The following FARP1 variants were observed in gnomAD, a reference collection of about 807,000 sequenced individuals.
FARP1 encodes FERM, ARH/RhoGEF and pleckstrin domain protein 1, also known as FERM, ARHGEF and pleckstrin domain-containing protein 1.
In FARP1, 52 loss-of-function variants were observed where a neutral mutation model predicts 128.8. The ratio of observed to expected loss-of-function variants is 0.40; its 90% confidence interval spans 0.32 to 0.51. The LOEUF is 0.51. FARP1 is among the 20% of genes least tolerant of loss of function. The pLI is 0.45. For synonymous variants in FARP1, 580 were observed against 551.8 expected (o/e 1.05, Z -0.72); for missense variants, 1,333 against 1,367.9 (o/e 0.97, Z 0.40).
At chr13:98,360,244 C>T (rs1406767838) in intron 3 of FARP1, among the ~76,000 whole-genome samples, 2 of 152,016 alleles carry the variant, frequency 1.3e-5, no homozygotes, top group Non-Finnish European at 2.9e-5. Context: ...TACAGGCATG[C>T]GCCACCACGG....
chr13:98,342,435 G>A (rs1888010038), intron 2 of FARP1, among the ~76,000 whole-genome samples: 2 of 152,018 alleles, frequency 1.3e-5, no homozygotes, highest in Non-Finnish European at 2.9e-5. Context: ...ACGGTGGCTC[G>A]TACCTGTAGT....
intron 2 of FARP1, among the ~76,000 whole-genome samples, chr13:98,261,315 G>T (rs912452585): frequency 7.6e-5 from 10 of 131,720 alleles, no homozygotes; most frequent in African/African-American, 2.6e-4. Flanking sequence ...TACAGCAACT[G>T]GGGGATTTGT....
intron 5 of FARP1, 141 bp from the exon 6 acceptor site, chr13:98,377,680 T>G (rs1889650791): frequency 8.0e-6 from 5 of 626,626 alleles, no homozygotes; most frequent in Non-Finnish European, 1.4e-5. Context: ...CTGCAGTGAA[T>G]GGCAGCTGGA....
At chr13:98,251,932 C>G (rs114769522) in intron 2 of FARP1, among the ~76,000 whole-genome samples, 4,978 of 152,202 alleles carry the variant, frequency 0.033, 272 homozygotes, top group African/African-American at 0.11. Context: ...AATGCAGTCT[C>G]CGCCTCCTGG....
intron 1 of FARP1, chr13:98,159,537 T>C (rs1321222480): frequency 1.3e-5 from 2 of 151,372 alleles, no homozygotes; most frequent in Non-Finnish European, 2.9e-5. Flanking sequence ...AATGGCGTGA[T>C]CTCAGCTCAC....
At chr13:98,312,013 T>A (rs1886482250) in intron 2 of FARP1, among the ~76,000 whole-genome samples, 1 of 151,740 alleles carries the variant, frequency 6.6e-6, no homozygotes, top group South Asian at 2.1e-4. Context: ...TTGGCTAATT[T>A]TTGTATTTTT....
intron 1 of FARP1, among the ~76,000 whole-genome samples, chr13:98,145,508 C>T (rs1303486198): frequency 6.6e-6 from 1 of 152,186 alleles, no homozygotes; most frequent in Non-Finnish European, 1.5e-5. Flanking sequence ...TTATTGCATT[C>T]ACCTCAGAAT....
intron 5 of FARP1, among the ~76,000 whole-genome samples, chr13:98,374,959 CCAA>C (rs1405043168): frequency 6.6e-6 from 1 of 152,154 alleles, no homozygotes; most frequent in African/African-American, 2.4e-5. Flanking sequence ...TCACTCACCC[CCAA>C]GGGAGGTTAT....
chr13:98,424,043 C>T (rs1891689724), intron 16 of FARP1, among the ~76,000 whole-genome samples: 1 of 152,156 alleles, frequency 6.6e-6, no homozygotes, highest in Non-Finnish European at 1.5e-5. Flanking sequence ...CATCTCCTGT[C>T]CTTTCTCAGT....
At chr13:98,241,337 A>AG (rs78178624) in intron 2 of FARP1, among the ~76,000 whole-genome samples, 59,558 of 151,822 alleles carry the variant, frequency 0.39, 12,013 homozygotes, top group South Asian at 0.51. Context: ...AAGCACCTCC[A>AG]GGGGAGTGTG....
At chr13:98,173,563 A>G (rs1444247478) in intron 1 of FARP1, among the ~76,000 whole-genome samples, 1 of 152,222 alleles carries the variant, frequency 6.6e-6, no homozygotes, top group African/African-American at 2.4e-5. Context: ...TGCCTCCATA[A>G]GTCCATGCAA....
intron 3 of FARP1, among the ~76,000 whole-genome samples, chr13:98,351,878 G>A (rs1165090464): frequency 6.6e-6 from 1 of 152,030 alleles, no homozygotes; most frequent in African/African-American, 2.4e-5. Context: ...ACCCGTCCCC[G>A]TGAACCAGTC....
chr13:98,167,469 G>C (rs868077929), intron 1 of FARP1, among the ~76,000 whole-genome samples: 21 of 150,318 alleles, frequency 1.4e-4, no homozygotes, highest in Non-Finnish European at 2.8e-4. Flanking sequence ...GAGTGCAGTG[G>C]CGCGATCTCA....
intron 2 of FARP1, among the ~76,000 whole-genome samples, chr13:98,245,883 C>T (rs1883022282): frequency 6.6e-6 from 1 of 151,554 alleles, no homozygotes; most frequent in Non-Finnish European, 1.5e-5. Context: ...ATTCTCCTGC[C>T]TCAGCCTCCC....
At chr13:98,162,609 G>A (rs1334284218) in intron 1 of FARP1, among the ~76,000 whole-genome samples, 1 of 152,100 alleles carries the variant, frequency 6.6e-6, no homozygotes, top group African/African-American at 2.4e-5. Context: ...ACAAATGGGT[G>A]GCAGATATAC....
At chr13:98,387,111 G>C (rs1367761585) in intron 8 of FARP1, among the ~76,000 whole-genome samples, 2 of 152,148 alleles carry the variant, frequency 1.3e-5, no homozygotes, top group African/African-American at 4.8e-5. Flanking sequence ...GACTAGCCTG[G>C]TCAACATGGT....
intron 2 of FARP1, chr13:98,329,708 G>C (rs760032499): frequency 6.6e-6 from 1 of 152,088 alleles, no homozygotes; most frequent in Admixed American, 6.6e-5. Context: ...CTTGACCCCA[G>C]CTTATAGTTG....
chr13:98,171,556 T>G (rs562957858), intron 1 of FARP1, among the ~76,000 whole-genome samples: 1 of 152,354 alleles, frequency 6.6e-6, no homozygotes, highest in Admixed American at 6.5e-5. Flanking sequence ...CTGGCATTTT[T>G]GTAGGATTTT....
Position 98,177,017 on chromosome 13 carries a change from T to C in FARP1, c.-24+33525T>C, listed in dbSNP as rs769660454. 2.3e-5 allele frequency: 36 copies of C among 1,596,378 alleles called. No homozygotes were observed. Among genetic ancestry groups the C allele is most frequent in the Non-Finnish European group, 2.5e-5 (30 of 1,178,222 alleles). On this transcript the variant is annotated intron_variant, in intron 1 of 26. Transcript: ENST00000319562. Reference sequence around the variant, plus strand: ...CCCCTCCTGTCGCCGTGAGCCGCCTTCTGCCAGCTGTGGAGGCCCCGGGGC... The same window carrying C: ...CCCCTCCTGTCGCCGTGAGCCGCCTCCTGCCAGCTGTGGAGGCCCCGGGGC...
Sources: allele counts gnomAD v4.1 joint callset (sites outside exome capture counted in the v4.1 genomes callset), GRCh38; gene constraint gnomAD v4.1.1; transcripts MANE v1.5; gene names NCBI Gene and HGNC (gene_info 2026-07-23, HGNC 2026-07-21).